Variants in SPTY2D1 observed in about 807,000 individuals in gnomAD.
The protein encoded by SPTY2D1 is protein SPT2 homolog.
SPTY2D1 carries 21 observed loss-of-function variants against 64.0 expected under a neutral mutation model. The ratio of observed to expected loss-of-function variants is 0.33; its 90% CI spans 0.23 to 0.47. SPTY2D1 has a LOEUF of 0.47. Ranked by LOEUF, SPTY2D1 falls within the 20% of genes least tolerant of loss-of-function variation. The probability of loss-of-function intolerance (pLI) is 1.00; values close to 1 mark genes in which losing one functional copy is unlikely to be tolerated. For synonymous variants in SPTY2D1, 287 were observed against 286.8 expected, an observed-to-expected ratio of 1.00 and a Z score of -0.01; for missense variants, 724 against 837.2, an observed-to-expected ratio of 0.86 and a Z score of 1.67.
At chr11:18,625,783 A>ATGC (rs1854486423) in intron 1 of SPTY2D1, among the ~76,000 whole-genome samples, 1 of 149,280 alleles carries the variant, frequency 6.7e-6, no homozygotes, top group Non-Finnish European at 1.5e-5. Context: ...TTTGTTGCCC[A>ATGC]TGATGGTCAC....
intron 1 of SPTY2D1, among the ~76,000 whole-genome samples, chr11:18,621,431 T>C (rs1854403185): frequency 6.6e-6 from 1 of 151,904 alleles, no homozygotes; most frequent in Non-Finnish European, 1.5e-5. Flanking sequence ...AGGAAGGTGG[T>C]GTTCAGGAAC....
chr11:18,615,507 A>G lies in SPTY2D1; in HGVS notation c.767T>C (p.Met256Thr). 6.2e-7 allele frequency: 1 copy of G among 1,614,190 alleles called. No homozygotes were observed. The highest frequency in any genetic ancestry group is 1.3e-5 in the African/African-American group (1 of 75,030). ...SGDRHPSSKG[M>T]PLPHAEKKSR... Reference sequence around the variant, plus strand: ...TTTCTTCTCAGCATGAGGAAGGGGCATTCCTTTGGAAGAAGGATGCCTGTC... The same window carrying G: ...TTTCTTCTCAGCATGAGGAAGGGGCGTTCCTTTGGAAGAAGGATGCCTGTC... The change falls in exon 3 of 6, where the codon ATG becomes ACG. Residue 256 changes from methionine (M) to threonine (T), a missense_variant. Physicochemically the swap from Met to Thr is moderately conservative, Grantham distance 81. This residue lies in a region of SPTY2D1 where 426 missense variants were observed against 431.8 expected (regional missense o/e 0.99). Transcript: ENST00000336349.
intron 1 of SPTY2D1, among the ~76,000 whole-genome samples, chr11:18,621,374 A>AGAAAAGAAAAGAAAAGAAAAGAAAC (rs1565161016): frequency 1.4e-5 from 2 of 142,792 alleles, no homozygotes; most frequent in Admixed American, 7.1e-5. Flanking sequence ...AGAAAAGAAA[A>AGAAAAGAAAAGAAAAGAAAAGAAAC]GAAACACTGA....
Position 18,608,857 on chromosome 11 carries a change from A to G in SPTY2D1, c.*1004T>C, listed in dbSNP as rs186478342. 3.9e-4 allele frequency: 59 copies of G among 152,760 alleles called. No homozygotes were observed. The highest frequency in any genetic ancestry group is 2.4e-3 in the Admixed American group (36 of 15,292). 9.5% of individuals were successfully genotyped at this position (152,760 alleles called of 1,614,324 possible). A position where few individuals can be genotyped will look rare whatever the true frequency, so the allele number is the denominator to read the frequency against. Reference sequence around the variant, plus strand: ...GCAAAAAGAGAAGGTGGTGCTCTCGATACCATAAATTTAGTTTTTGGTTTT... The same window carrying G: ...GCAAAAAGAGAAGGTGGTGCTCTCGGTACCATAAATTTAGTTTTTGGTTTT... On this transcript the variant is annotated 3_prime_UTR_variant, in exon 6 of 6. Coordinates refer to ENST00000336349, the MANE Select transcript of SPTY2D1 (RefSeq NM_194285.3).
At chr11:18,625,987 T>C (rs1008259029) in intron 1 of SPTY2D1, among the ~76,000 whole-genome samples, 2 of 151,844 alleles carry the variant, frequency 1.3e-5, no homozygotes, top group African/African-American at 4.8e-5. Flanking sequence ...ACCCAGGTAA[T>C]CTTTTGTATT....
chr11:18,629,166 A>G (rs759831797), intron 1 of SPTY2D1, among the ~76,000 whole-genome samples: 1 of 152,184 alleles, frequency 6.6e-6, no homozygotes. Context: ...ACTGGGAGAA[A>G]GACCATATAA....
In SPTY2D1 at chr11:18,606,468, A is replaced by T. The variant is rs570387597; in HGVS notation, c.*3393T>A. ...TAAATTGCAAAACTTTCACCTGTATATGCAAAAGTATATTCTCTTGCAGGT... is the reference window on the plus strand; with the variant it reads ...TAAATTGCAAAACTTTCACCTGTATTTGCAAAAGTATATTCTCTTGCAGGT... On this transcript the variant is annotated 3_prime_UTR_variant, in exon 6 of 6. Coordinates refer to ENST00000336349, the MANE Select transcript of SPTY2D1 (RefSeq NM_194285.3). 4.1e-5 allele frequency: 7 copies of T among 170,128 alleles called. No individual in the cohort carries two copies. The highest frequency in any genetic ancestry group is 1.7e-4 in the African/African-American group (7 of 41,668). The allele number at this position is 170,128 out of a possible 1,614,324, so 10.5% of individuals were successfully genotyped here.
rs1854275035 is a variant in SPTY2D1 at position 18,615,176 on chromosome 11, T to C, written c.1098A>G (p.Pro366=). The C allele has an allele frequency of 1.2e-6, 2 of 1,614,232 alleles. No individual in the cohort carries two copies. Among genetic ancestry groups the C allele is most frequent in the Admixed American group, 1.7e-5 (1 of 60,036 alleles). The change falls in exon 3 of 6, where the codon CCA becomes CCG. Residue 366 remains proline, a synonymous_variant. Coordinates refer to ENST00000336349, the MANE Select transcript of SPTY2D1 (RefSeq NM_194285.3). Reference sequence around the variant, plus strand: ...AGCTGCTGCCTGGCTGCCTGACACCTGGACTCTTAGCCTTATTGTGTGGGG... The same window carrying C: ...AGCTGCTGCCTGGCTGCCTGACACCCGGACTCTTAGCCTTATTGTGTGGGG... ...MVTPHNKAKS[P]GVRQPGSSSS... is the part of the protein sequence containing the mutation.
chr11:18,612,380 T>G lies in SPTY2D1; in HGVS notation c.1820A>C (p.Asp607Ala). 6.2e-7 allele frequency: 1 copy of G among 1,611,892 alleles called. No individual in the cohort carries two copies. Among genetic ancestry groups the G allele is most frequent in the Non-Finnish European group, 8.5e-7 (1 of 1,178,694 alleles). Residue 607 changes from aspartate (D) to alanine (A), a missense_variant, in exon 4 of 6, where the codon GAT (aspartate) becomes GCT (alanine). Around this residue, in one of 3 missense-constraint regions of SPTY2D1, gnomAD observed 119 missense variants for 172.9 expected, o/e 0.69. Transcript: ENST00000336349. The surrounding 1 kb of genome is among the most constrained non-coding windows in gnomAD (Gnocchi z 4.6). ...TATTTCTTCCTGAGGCTCTCCTTCATCTTCAATAAAATCTTCCATTTCAGA... is the reference window on the plus strand; with the variant it reads ...TATTTCTTCCTGAGGCTCTCCTTCAGCTTCAATAAAATCTTCCATTTCAGA... The part of the protein sequence containing the change: ...YDSEMEDFIE[D>A]EGEPQEEISK...
intron 1 of SPTY2D1, among the ~76,000 whole-genome samples, chr11:18,628,471 G>C (rs544429107): frequency 4.6e-5 from 7 of 152,192 alleles, no homozygotes; most frequent in Non-Finnish European, 8.8e-5. Context: ...TATCCCATAG[G>C]GGTAGCCCAG....
chr11:18,608,776 A>G lies in SPTY2D1; in HGVS notation c.*1085T>C, dbSNP rs1011374066. ...ACGATAACAGGGAACATCCCTTCCT[A>G]CCTGGGGAAAAAAATCTCTTCACAG... On this transcript the variant is annotated 3_prime_UTR_variant, in exon 6 of 6. Transcript: ENST00000336349. The G allele has an allele frequency of 6.6e-6, 1 of 152,576 alleles. No individual in the cohort carries two copies. The highest frequency in any genetic ancestry group is 1.5e-5 in the Non-Finnish European group (1 of 68,024). The allele number at this position is 152,576 out of a possible 1,614,324, so 9.5% of individuals were successfully genotyped here. A position where few individuals can be genotyped will look rare whatever the true frequency, so the allele number is the denominator to read the frequency against.
At chr11:18,618,471 A>G (rs1313929601) in intron 1 of SPTY2D1, among the ~76,000 whole-genome samples, 2 of 152,228 alleles carry the variant, frequency 1.3e-5, no homozygotes, top group African/African-American at 4.8e-5. Flanking sequence ...ATAAGTACCT[A>G]TTATGAGAGA....
chr11:18,628,581 A>G (rs560152281), intron 1 of SPTY2D1, among the ~76,000 whole-genome samples: 106 of 152,344 alleles, frequency 7.0e-4, no homozygotes, highest in African/African-American at 2.4e-3. Flanking sequence ...GAGAATGCAT[A>G]CATCCTGAAA....
intron 1 of SPTY2D1, among the ~76,000 whole-genome samples, chr11:18,630,530 G>A (rs1854571631): frequency 6.6e-6 from 1 of 152,184 alleles, no homozygotes; most frequent in Non-Finnish European, 1.5e-5. Flanking sequence ...CTGTACAGGT[G>A]TTTGGATTTT....
At chr11:18,617,055 C>T (rs933651482) in intron 1 of SPTY2D1, 66 bp from the exon 2 acceptor site, 1 of 1,343,504 alleles carries the variant, frequency 7.4e-7, no homozygotes, top group Non-Finnish European at 1.1e-6. Flanking sequence ...AGGTATAAGG[C>T]ACTGTGCCAG....
Position 18,612,072 on chromosome 11 carries a change from T to C in SPTY2D1, c.1886+242A>G, listed in dbSNP as rs1854215205. 1 of 321,402 alleles carries C rather than the reference T, an allele frequency of 3.1e-6. No individual in the cohort carries two copies. Among genetic ancestry groups the C allele is most frequent in the Non-Finnish European group, 5.5e-6 (1 of 180,432 alleles). The allele number at this position is 321,402 out of a possible 1,614,324, so 19.9% of individuals were successfully genotyped here. A position where few individuals can be genotyped will look rare whatever the true frequency, so the allele number is the denominator to read the frequency against. On this transcript the variant is annotated intron_variant, in intron 4 of 5. Coordinates refer to ENST00000336349, the MANE Select transcript of SPTY2D1 (RefSeq NM_194285.3). The surrounding 1 kb of genome is among the most constrained non-coding windows in gnomAD (Gnocchi z 4.6). ...TCCATCTCACTAAATATATATCTTA[T>C]AAGAATAACAATTTAAAAGGGTTAT...
At chr11:18,617,395 G>A (rs1440365961) in intron 1 of SPTY2D1, among the ~76,000 whole-genome samples, 1 of 152,086 alleles carries the variant, frequency 6.6e-6, no homozygotes, top group Non-Finnish European at 1.5e-5. Context: ...GGGAGGCGGA[G>A]GCGGGCGAAT....
chr11:18,620,160 ATTAC>A (rs1453498329), intron 1 of SPTY2D1, among the ~76,000 whole-genome samples: 1 of 152,112 alleles, frequency 6.6e-6, no homozygotes, highest in Non-Finnish European at 1.5e-5. Context: ...TACCCCTACC[ATTAC>A]TTACTAATTT....
At position 18,615,374 on chromosome 11, in the gene SPTY2D1, A is replaced by G; in HGVS notation, c.900T>C (p.Leu300=). Residue 300 remains leucine, a synonymous_variant, in exon 3 of 6, where the codon CTT becomes CTC. Transcript: ENST00000336349. ...AAACAGGTTTGTCGTGGCCCTCACGAAGTGAGGGTTGGGAGCTATTGCCAG... is the reference window on the plus strand; with the variant it reads ...AAACAGGTTTGTCGTGGCCCTCACGGAGTGAGGGTTGGGAGCTATTGCCAG... ...AGSGNSSQPS[L]REGHDKPVFN... 2 of 1,614,158 alleles carry G rather than the reference A, an allele frequency of 1.2e-6. No individual in the cohort carries two copies. The highest frequency in any genetic ancestry group is 1.7e-6 in the Non-Finnish European group (2 of 1,180,018).
Sources: gnomAD v4.1 joint callset for allele counts (sites outside exome capture counted in the v4.1 genomes callset) on GRCh38, gnomAD v4.1.1 for gene constraint, gnomAD v4.1.1 regional missense constraint, Gnocchi (gnomAD v3.1) non-coding constraint, MANE v1.5 for transcripts, NCBI Gene and HGNC (gene_info 2026-07-23, HGNC 2026-07-21) for gene names.